Variants in CDH2 observed in about 807,000 individuals in gnomAD.
CDH2 encodes the protein cadherin 2.
In CDH2, 17 loss-of-function variants were observed where a neutral mutation model predicts 92.0. That is an observed-to-expected ratio of 0.18 (90% CI 0.13 to 0.28). The LOEUF (loss-of-function observed/expected upper bound fraction) is 0.28. Among genes scored for constraint, CDH2 ranks in the 10% least tolerant of loss-of-function variants. The pLI, the probability that CDH2 is intolerant of heterozygous loss-of-function variation, is 1.00. For synonymous variants in CDH2, 419 were observed against 415.9 expected, an observed-to-expected ratio of 1.01 and a Z score of -0.09; for missense variants, 862 against 1,133.1, an observed-to-expected ratio of 0.76 and a Z score of 3.44.
intron 15 of CDH2, among the ~76,000 whole-genome samples, chr18:27,957,463 G>A (rs1270737379): frequency 6.6e-6 from 1 of 151,674 alleles, no homozygotes; most frequent in East Asian, 1.9e-4. Flanking sequence ...GGTTGCTGAA[G>A]TCGGTCTCAA....
intron 2 of CDH2, among the ~76,000 whole-genome samples, chr18:28,114,132 G>A (rs1264565916): frequency 6.6e-6 from 1 of 152,052 alleles, no homozygotes; most frequent in Non-Finnish European, 1.5e-5. Context: ...AAATTCTAGT[G>A]TTCTATAGCA....
intron 1 of CDH2, among the ~76,000 whole-genome samples, chr18:28,150,247 C>G (rs1162473641): frequency 6.6e-6 from 1 of 152,148 alleles, no homozygotes; most frequent in South Asian, 2.1e-4. Flanking sequence ...AACGCCGTGG[C>G]CAGAAGCCAG....
chr18:28,118,835 T>C (rs901744106), intron 2 of CDH2, among the ~76,000 whole-genome samples: 7 of 152,188 alleles, frequency 4.6e-5, no homozygotes, highest in Admixed American at 3.9e-4. Context: ...TGGGAAAATA[T>C]GAACTCTGAA....
chr18:28,050,022 A>T (rs1417322235), intron 2 of CDH2, among the ~76,000 whole-genome samples: 1 of 152,070 alleles, frequency 6.6e-6, no homozygotes, highest in Non-Finnish European at 1.5e-5. Flanking sequence ...CTGCCTACCC[A>T]CCAAATTAAG....
intron 2 of CDH2, among the ~76,000 whole-genome samples, chr18:28,084,803 TCTC>T (rs2014896653): frequency 6.6e-6 from 1 of 152,064 alleles, no homozygotes; most frequent in East Asian, 1.9e-4. Context: ...GTGCTGTGCT[TCTC>T]CTCCAATCCA....
At chr18:27,988,394 A>G (rs1248846873) in intron 11 of CDH2, 130 bp downstream of exon 11, 1 of 716,510 alleles carries the variant, frequency 1.4e-6, no homozygotes, top group Non-Finnish European at 2.3e-6. Context: ...GATAAATAAA[A>G]GCTGGACCTC....
chr18:27,986,504 C>T (rs1284028763), intron 11 of CDH2, among the ~76,000 whole-genome samples: 2 of 152,144 alleles, frequency 1.3e-5, no homozygotes, highest in Admixed American at 1.3e-4. Flanking sequence ...AAAATGCTGT[C>T]TCCACCACTT....
At chr18:28,006,165 A>G (rs1415384278) in intron 5 of CDH2, among the ~76,000 whole-genome samples, 172 bp from the exon 6 acceptor site, 2 of 152,232 alleles carry the variant, frequency 1.3e-5, no homozygotes, top group African/African-American at 4.8e-5. Context: ...GGATAGATAT[A>G]GTAGCAAAAA....
chr18:28,025,329 G>A (rs1163571305), intron 2 of CDH2, among the ~76,000 whole-genome samples: 1 of 152,020 alleles, frequency 6.6e-6, no homozygotes, highest in Non-Finnish European at 1.5e-5. Context: ...ACCAGCCTGG[G>A]CAATATGGTG....
intron 2 of CDH2, among the ~76,000 whole-genome samples, chr18:28,075,191 G>A (rs1567988248): frequency 6.6e-6 from 1 of 152,074 alleles, no homozygotes; most frequent in Non-Finnish European, 1.5e-5. Context: ...ACATTCTATG[G>A]GAAGAAAGCA....
chr18:28,150,095 C>G (rs1454440955), intron 1 of CDH2, among the ~76,000 whole-genome samples: 2 of 152,268 alleles, frequency 1.3e-5, no homozygotes, highest in African/African-American at 4.8e-5. Context: ...CCCAGTTTGC[C>G]ATATAAAATG....
intron 2 of CDH2, among the ~76,000 whole-genome samples, chr18:28,112,763 G>A (rs974504104): frequency 6.6e-6 from 1 of 152,046 alleles, no homozygotes; most frequent in African/African-American, 2.4e-5. Context: ...CAGAGTAGCA[G>A]ATTTACCTAC....
intron 2 of CDH2, among the ~76,000 whole-genome samples, chr18:28,067,165 T>C (rs2014524551): frequency 6.6e-6 from 1 of 152,212 alleles, no homozygotes; most frequent in Non-Finnish European, 1.5e-5. Context: ...GTTTTGGGTT[T>C]TGTTTACTTT....
intron 14 of CDH2, among the ~76,000 whole-genome samples, chr18:27,965,991 A>G (rs1464489636): frequency 6.5e-5 from 3 of 46,250 alleles, no homozygotes; most frequent in African/African-American, 1.4e-4. Context: ...GTCTAAAAGG[A>G]AAAAAAAAAA....
At chr18:27,944,069 G>T (rs1909208326) in intron 6 of CDH2, among the ~76,000 whole-genome samples, 1 of 152,106 alleles carries the variant, frequency 6.6e-6, no homozygotes, top group Admixed American at 6.5e-5. Flanking sequence ...GAATATAAAA[G>T]CGATTTAAAA....
intron 2 of CDH2, among the ~76,000 whole-genome samples, chr18:28,047,136 A>T (rs1161210284): frequency 6.6e-6 from 1 of 152,170 alleles, no homozygotes; most frequent in Non-Finnish European, 1.5e-5. Context: ...CAAACAAATT[A>T]CCGTCACTTC....
At chr18:27,967,732 A>G (rs1472325399) in intron 14 of CDH2, among the ~76,000 whole-genome samples, 1 of 151,936 alleles carries the variant, frequency 6.6e-6, no homozygotes, top group Non-Finnish European at 1.5e-5. Flanking sequence ...TAACACTGCA[A>G]GTAACTTAAA....
intron 15 of CDH2, among the ~76,000 whole-genome samples, chr18:27,961,110 T>G (rs2011392519): frequency 6.6e-6 from 1 of 151,618 alleles, no homozygotes; most frequent in African/African-American, 2.4e-5. Flanking sequence ...AGAATTTGAA[T>G]GTAATCTGAC....
chr18:28,094,792 T>TAAAAAAAAAAA (rs35744873), intron 2 of CDH2, among the ~76,000 whole-genome samples: 1 of 82,386 alleles, frequency 1.2e-5, no homozygotes, highest in Non-Finnish European at 2.2e-5. Context: ...AGACTCTGTC[T>TAAAAAAAAAAA]AAAAAAAAAA....
Sources: gnomAD v4.1 joint callset for allele counts (sites outside exome capture counted in the v4.1 genomes callset) on GRCh38, gnomAD v4.1.1 for gene constraint, MANE v1.5 for transcripts, NCBI Gene and HGNC (gene_info 2026-07-23, HGNC 2026-07-21) for gene names.